Variants in ABCF2 observed in about 807,000 individuals in gnomAD.
ABCF2 encodes ATP binding cassette subfamily F member 2.
Under a neutral mutation model 76.9 loss-of-function variants are expected in ABCF2, and 37 were observed. That is an observed-to-expected ratio of 0.48 (90% CI 0.37 to 0.63). ABCF2 has a LOEUF of 0.63. Ranked by LOEUF, ABCF2 falls within the 30% of genes least tolerant of loss-of-function variation. The pLI is 0.00. For missense variants in ABCF2, 524 were observed against 782.1 expected (o/e 0.67, Z 3.94); for synonymous variants, 299 against 283.7 (o/e 1.05, Z -0.54).
intron 2 of ABCF2, among the ~76,000 whole-genome samples, chr7:151,226,093 G>A (rs897060808): frequency 3.3e-5 from 5 of 152,174 alleles, no homozygotes; most frequent in African/African-American, 7.2e-5. Flanking sequence ...TCTCACATCC[G>A]CTTGCCACTG....
intron 6 of ABCF2, chr7:151,222,023 C>G: frequency 4.5e-6 from 1 of 222,284 alleles, no homozygotes; most frequent in Non-Finnish European, 8.9e-6. Context: ...AGAACTGGTA[C>G]AGACACAATA....
At chr7:151,219,630 A>G (rs1231583643) in intron 7 of ABCF2, among the ~76,000 whole-genome samples, 1 of 152,226 alleles carries the variant, frequency 6.6e-6, no homozygotes, top group East Asian at 1.9e-4. Context: ...TCTGCAAACA[A>G]AAACTGGACT....
Position 151,214,211 on chromosome 7 carries a change from C to T in ABCF2, c.1735-20G>A. On this transcript the variant is annotated intron_variant, in intron 14 of 14. Coordinates refer to ENST00000287844, the MANE Select transcript of ABCF2 (RefSeq NM_007189.3). This position sits in a 1 kb window ranked among gnomAD's most constrained non-coding sequence, Gnocchi z 4.9. Reference sequence around the variant, plus strand: ...TGCAACCTAGAAAGCAAAACCTGGACTTAATCCTGGGCTAGTCACTGTCCC... The same window carrying T: ...TGCAACCTAGAAAGCAAAACCTGGATTTAATCCTGGGCTAGTCACTGTCCC... 6.2e-7 allele frequency: 1 copy of T among 1,614,164 alleles called. No homozygotes were observed. The highest frequency in any genetic ancestry group is 8.5e-7 in the Non-Finnish European group (1 of 1,180,024).
rs143001058 is a variant in ABCF2, at chr7:151,226,447, G to A, written c.12C>T (p.Asp4=). 2.4e-3 allele frequency: 3,796 copies of A among 1,613,930 alleles called. 10 individuals carry two copies. The highest frequency in any genetic ancestry group is 2.9e-3 in the Non-Finnish European group (3,363 of 1,179,966). Residue 4 remains aspartate (D), a synonymous_variant, in exon 2 of 15, where the codon GAC becomes GAT. Transcript: ENST00000287844. MPS[D]LAKKKAAKKK... ...TTTTGGCTGCCTTCTTCTTGGCCAGGTCGGAGGGCATGATGATGACCCACA... is the reference window on the plus strand; with the variant it reads ...TTTTGGCTGCCTTCTTCTTGGCCAGATCGGAGGGCATGATGATGACCCACA...
chr7:151,214,002 A>G lies in ABCF2; in HGVS notation c.*52T>C, dbSNP rs1802101097. 1.9e-6 allele frequency: 3 copies of G among 1,606,166 alleles called. No individual in the cohort carries two copies. The South Asian group carries it at 3.3e-5, about 18-fold the overall frequency. ...CCTGTCCTGAGCGGCTGGTCAGGTT[A>G]GCAGCTGTTAGTTCCCAGATGGAGC... On this transcript the variant is annotated 3_prime_UTR_variant, in exon 15 of 15. Coordinates refer to ENST00000287844, the MANE Select transcript of ABCF2 (RefSeq NM_007189.3). This position sits in a 1 kb window ranked among gnomAD's most constrained non-coding sequence, Gnocchi z 4.9.
chr7:151,224,224 G>A, intron 3 of ABCF2, 110 bp from the exon 4 acceptor site: 1 of 917,914 alleles, frequency 1.1e-6, no homozygotes, highest in Non-Finnish European at 1.6e-6. Flanking sequence ...TTTTTTTTTT[G>A]AGGACCTTTC....
chr7:151,213,021 C>T lies in ABCF2; in HGVS notation c.*1033G>A. ...TCAAGTGATCCACCTGCCTCAGCCT[C>T]CCAAAGCGCTGGGATTACAGGTGTG... On this transcript the variant is annotated 3_prime_UTR_variant, in exon 15 of 15. Coordinates refer to ENST00000287844, the MANE Select transcript of ABCF2 (RefSeq NM_007189.3). 1.0e-6 allele frequency: 1 copy of T among 976,616 alleles called. No individual in the cohort carries two copies. The highest frequency in any genetic ancestry group is 1.2e-6 in the Non-Finnish European group (1 of 822,020). 60.5% of individuals were successfully genotyped at this position (976,616 alleles called of 1,614,324 possible).
In ABCF2 at chr7:151,214,788, G is replaced by A; in HGVS notation, c.1734+91C>T. 1.6e-6 allele frequency: 2 copies of A among 1,233,980 alleles called. No individual in the cohort carries two copies. The highest frequency in any genetic ancestry group is 2.4e-6 in the Non-Finnish European group (2 of 850,746). 76.4% of individuals were successfully genotyped at this position (1,233,980 alleles called of 1,614,324 possible). A position where few individuals can be genotyped will look rare whatever the true frequency, so the allele number is the denominator to read the frequency against. On this transcript the variant is annotated intron_variant, in intron 14 of 14. Coordinates refer to ENST00000287844, the MANE Select transcript of ABCF2 (RefSeq NM_007189.3). This position sits in a 1 kb window ranked among gnomAD's most constrained non-coding sequence, Gnocchi z 4.9. ...CTGAGCCCCTTCTCTTAATTCAGTAGGCGGGTATTATGCACCCTCCACATG... is the reference window on the plus strand; with the variant it reads ...CTGAGCCCCTTCTCTTAATTCAGTAAGCGGGTATTATGCACCCTCCACATG...
intron 11 of ABCF2, 83 bp downstream of exon 11, chr7:151,217,998 A>G (rs1305361919): frequency 2.9e-6 from 3 of 1,023,884 alleles, no homozygotes; most frequent in Non-Finnish European, 4.5e-6. Context: ...CTCCCAAAGT[A>G]GTAGCCCCTG....
rs1277280095 is a variant in ABCF2, at chr7:151,212,506, T to C, written c.*1548A>G. 2.0e-6 allele frequency: 2 copies of C among 985,424 alleles called. No individual in the cohort carries two copies. The highest frequency in any genetic ancestry group is 2.4e-6 in the Non-Finnish European group (2 of 829,894). The allele number at this position is 985,424 out of a possible 1,614,324, so 61.0% of individuals were successfully genotyped here. On this transcript the variant is annotated 3_prime_UTR_variant, in exon 15 of 15. Coordinates refer to ENST00000287844, the MANE Select transcript of ABCF2 (RefSeq NM_007189.3). The stretch of plus-strand genomic sequence containing the variant: ...GTCTGATGCTCAGCAATCTGAATTT[T>C]TTTATTTTTTTGAGACAGTGTCTCG...
Position 151,213,704 on chromosome 7 carries a change from T to TA in ABCF2, c.*349dup, listed in dbSNP as rs1221646582. On this transcript the variant is annotated 3_prime_UTR_variant, in exon 15 of 15. Transcript: ENST00000287844. Reference sequence around the variant, plus strand: ...ACCAAAACCCAGAAAACGAGGATCCTAAGCTCCTCCGCAGGCCAAATCCAG... The same window carrying TA: ...ACCAAAACCCAGAAAACGAGGATCCTAAAGCTCCTCCGCAGGCCAAATCCAG... The TA allele has an allele frequency of 8.4e-6, 9 of 1,068,316 alleles. No individual in the cohort carries two copies. The highest frequency in any genetic ancestry group is 1.0e-5 in the Non-Finnish European group (9 of 885,004). 66.2% of individuals were successfully genotyped at this position (1,068,316 alleles called of 1,614,324 possible).
chr7:151,226,594 C>T, intron 1 of ABCF2, 94 bp from the exon 2 acceptor site: 1 of 978,934 alleles, frequency 1.0e-6, no homozygotes, highest in Non-Finnish European at 1.5e-6. Context: ...TTCGTATCAA[C>T]ATCAAGCCTC....
chr7:151,222,730 G>C, intron 5 of ABCF2, 114 bp from the exon 6 acceptor site: 1 of 759,294 alleles, frequency 1.3e-6, no homozygotes, highest in Non-Finnish European at 2.1e-6. Context: ...CTTGAGTCTT[G>C]AAATCAATTT....
rs1256331813 is a variant in ABCF2, at chr7:151,219,110, T to C, written c.971A>G (p.Gln324Arg). The part of the protein sequence containing the change: ...VKTRLELEEN[Q>R]MKRFHWEQDQ... Reference sequence around the variant, plus strand: ...TTGCTCCCAGTGAAACCTCTTCATCTGGTTCTCCTCCAGCTCTAGCCGCGT... The same window carrying C: ...TTGCTCCCAGTGAAACCTCTTCATCCGGTTCTCCTCCAGCTCTAGCCGCGT... The change falls in exon 8 of 15, where the codon CAG becomes CGG. Residue 324 changes from glutamine to arginine, a missense_variant. Physicochemically the swap from Gln to Arg is conservative, Grantham distance 43. Coordinates refer to ENST00000287844, the MANE Select transcript of ABCF2 (RefSeq NM_007189.3). 1 of 1,614,142 alleles carries C rather than the reference T, an allele frequency of 6.2e-7. No homozygotes were observed. Among genetic ancestry groups the C allele is most frequent in the Non-Finnish European group, 8.5e-7 (1 of 1,180,036 alleles).
At position 151,221,651 on chromosome 7, in the gene ABCF2, T is replaced by C; in HGVS notation, c.848A>G (p.His283Arg). Residue 283 changes from histidine to arginine, a missense_variant, in exon 7 of 15, where the codon CAT becomes CGT. Coordinates refer to ENST00000287844, the MANE Select transcript of ABCF2 (RefSeq NM_007189.3). Reference sequence around the variant, plus strand: ...GACACCATTCAGAAAATCCTGGGAATGGGAGACGAGGACCAAGATGCGCTT... The same window carrying C: ...GACACCATTCAGAAAATCCTGGGAACGGGAGACGAGGACCAAGATGCGCTT... ...TFKRILVLVS[H>R]SQDFLNGVCT... is the part of the protein sequence containing the mutation. 1 of 1,612,590 alleles carries C rather than the reference T, an allele frequency of 6.2e-7. No homozygotes were observed. The highest frequency in any genetic ancestry group is 8.5e-7 in the Non-Finnish European group (1 of 1,178,664).
intron 11 of ABCF2, among the ~76,000 whole-genome samples, 189 bp from the exon 12 acceptor site, chr7:151,216,218 T>C (rs1258856859): frequency 6.6e-6 from 1 of 152,196 alleles, no homozygotes; most frequent in African/African-American, 2.4e-5. Context: ...CTGAAGCAGA[T>C]GTTCTCAAGA....
chr7:151,220,744 T>A (rs1217121800), intron 7 of ABCF2, among the ~76,000 whole-genome samples: 1 of 152,044 alleles, frequency 6.6e-6, no homozygotes, highest in Non-Finnish European at 1.5e-5. Context: ...TCCCAGCACT[T>A]TGGGAGGCTG....
Position 151,226,465 on chromosome 7 carries a change from G to A in ABCF2, c.-7C>T, listed in dbSNP as rs1802374158. The stretch of plus-strand genomic sequence containing the variant: ...TGGCCAGGTCGGAGGGCATGATGAT[G>A]ACCCACAGGGGTAGGTTACTGTTGT... On this transcript the variant is annotated 5_prime_UTR_variant, in exon 2 of 15. Coordinates refer to ENST00000287844, the MANE Select transcript of ABCF2 (RefSeq NM_007189.3). 3.1e-6 allele frequency: 5 copies of A among 1,613,174 alleles called. No homozygotes were observed. The highest frequency in any genetic ancestry group is 4.2e-6 in the Non-Finnish European group (5 of 1,179,704).
At position 151,211,492 on chromosome 7, in the gene ABCF2, G is replaced by T. The variant is rs370748746; in HGVS notation, c.*2562C>A. The T allele has an allele frequency of 4.1e-6, 4 of 977,364 alleles. No homozygotes were observed. The highest frequency in any genetic ancestry group is 1.1e-4 in the East Asian group (1 of 8,794). The allele number at this position is 977,364 out of a possible 1,614,324, so 60.5% of individuals were successfully genotyped here. ...CCAAAACAAGGCACTGCTAATTTTA[G>T]AAATATGTATTTTGTGGACTTTTAA... On this transcript the variant is annotated 3_prime_UTR_variant, in exon 15 of 15. Coordinates refer to ENST00000287844, the MANE Select transcript of ABCF2 (RefSeq NM_007189.3).
Sources: gnomAD v4.1 joint callset for allele counts (sites outside exome capture counted in the v4.1 genomes callset) on GRCh38, gnomAD v4.1.1 for gene constraint, Gnocchi (gnomAD v3.1) non-coding constraint, MANE v1.5 for transcripts, NCBI Gene and HGNC (gene_info 2026-07-23, HGNC 2026-07-21) for gene names.